Variants in METTL15 observed in about 807,000 individuals in gnomAD.
METTL15 encodes the protein methyltransferase 15, mitochondrial 12S rRNA N4-cytidine, also known as 12S rRNA N(4)-cytidine methyltransferase METTL15.
A neutral mutation model predicts 38.3 loss-of-function variants in METTL15; 34 were observed. The ratio of observed to expected loss-of-function variants is 0.89; its 90% CI spans 0.68 to 1.18. The LOEUF (loss-of-function observed/expected upper bound fraction) is 1.18. METTL15 is among the 50% of genes most tolerant of loss of function. The probability of loss-of-function intolerance (pLI) is 0.00; values close to 1 mark genes in which losing one functional copy is unlikely to be tolerated. For missense variants in METTL15, 438 were observed against 498.4 expected, an observed-to-expected ratio of 0.88 and a Z score of 1.15; for synonymous variants, 162 against 170.9, an observed-to-expected ratio of 0.95 and a Z score of 0.41.
At chr11:28,394,520 A>G (rs1180814998) in intron 5 of METTL15, among the ~76,000 whole-genome samples, 1 of 152,002 alleles carries the variant, frequency 6.6e-6, no homozygotes, top group African/African-American at 2.4e-5. Context: ...GTGGTCTTGG[A>G]GGTGGCAGAG....
At chr11:28,365,458 A>C (rs1200493020) in intron 5 of METTL15, among the ~76,000 whole-genome samples, 1 of 152,202 alleles carries the variant, frequency 6.6e-6, no homozygotes, top group Non-Finnish European at 1.5e-5. Flanking sequence ...ATTTGTGTGC[A>C]TAAAAGTGTT....
At chr11:28,429,994 CG>C (rs1850902037) in intron 6 of METTL15, among the ~76,000 whole-genome samples, 1 of 131,726 alleles carries the variant, frequency 7.6e-6, no homozygotes, top group Non-Finnish European at 1.6e-5. Context: ...ATGTGGGGAG[CG>C]CCTCTGCCCC....
intron 4 of METTL15, among the ~76,000 whole-genome samples, chr11:28,274,704 A>G (rs1031787721): frequency 1.3e-5 from 2 of 151,836 alleles, no homozygotes; most frequent in Non-Finnish European, 2.9e-5. Flanking sequence ...TCTTCCTTTC[A>G]TTTTTAGATA....
At chr11:28,484,032 A>G (rs1461306232) in intron 6 of METTL15, among the ~76,000 whole-genome samples, 3 of 152,176 alleles carry the variant, frequency 2.0e-5, no homozygotes. Flanking sequence ...TTAATGACCT[A>G]TTCCTCCATA....
At chr11:28,438,094 A>G (rs1374322365) in intron 6 of METTL15, among the ~76,000 whole-genome samples, 1 of 152,258 alleles carries the variant, frequency 6.6e-6, no homozygotes, top group African/African-American at 2.4e-5. Flanking sequence ...TCCTATTTTA[A>G]GAAGTTACAC....
chr11:28,393,157 T>G (rs1364055938), intron 5 of METTL15, among the ~76,000 whole-genome samples: 2 of 152,110 alleles, frequency 1.3e-5, no homozygotes, highest in African/African-American at 4.8e-5. Context: ...ATATGATCCT[T>G]CAATCTTACT....
At chr11:28,254,098 A>G (rs1854867883) in intron 4 of METTL15, among the ~76,000 whole-genome samples, 1 of 152,114 alleles carries the variant, frequency 6.6e-6, no homozygotes, top group African/African-American at 2.4e-5. Context: ...ATTCCCACCA[A>G]CAGTGTATAA....
intron 5 of METTL15, among the ~76,000 whole-genome samples, chr11:28,367,737 G>T (rs1347289621): frequency 6.6e-6 from 1 of 152,052 alleles, no homozygotes; most frequent in Non-Finnish European, 1.5e-5. Flanking sequence ...CATGGTACTG[G>T]TACCAAAATA....
intron 6 of METTL15, among the ~76,000 whole-genome samples, chr11:28,464,753 C>T (rs78498800): frequency 1.4e-3 from 206 of 152,294 alleles, no homozygotes; most frequent in Non-Finnish European, 2.5e-3. Flanking sequence ...AGTTCTACTA[C>T]CTCTTTTAGG....
At chr11:28,237,543 T>C (rs1208866956) in intron 4 of METTL15, among the ~76,000 whole-genome samples, 1 of 152,166 alleles carries the variant, frequency 6.6e-6, no homozygotes, top group East Asian at 1.9e-4. Context: ...TGCCTTTGGT[T>C]TGAATTTCCT....
intron 4 of METTL15, among the ~76,000 whole-genome samples, chr11:28,237,731 G>C (rs530955726): frequency 1.3e-5 from 2 of 152,270 alleles, no homozygotes; most frequent in Non-Finnish European, 2.9e-5. Context: ...ATCTTTGGTG[G>C]TTTTATCTAC....
At chr11:28,218,593 G>C (rs572000691) in intron 4 of METTL15, among the ~76,000 whole-genome samples, 41 of 152,170 alleles carry the variant, frequency 2.7e-4, no homozygotes, top group African/African-American at 9.6e-4. Flanking sequence ...TTCCAACACT[G>C]TGTTGAATAG....
intron 5 of METTL15, among the ~76,000 whole-genome samples, chr11:28,395,184 G>C (rs141946432): frequency 1.1e-3 from 173 of 152,096 alleles, no homozygotes; most frequent in African/African-American, 4.0e-3. Flanking sequence ...TTCAGAATTT[G>C]GGGACTCAGG....
chr11:28,532,352 T>C, the METTL15 span, among the ~76,000 whole-genome samples: 2 of 152,096 alleles, frequency 1.3e-5, no homozygotes, highest in African/African-American at 2.4e-5. Context: ...ATACCAGGGA[T>C]TGTGATTTTT....
rs934400812 is a variant in METTL15 at position 28,330,428 on chromosome 11, A to T, written c.811A>T (p.Lys271Ter). 2 of 1,549,508 alleles carry T rather than the reference A, an allele frequency of 1.3e-6. No homozygotes were observed. The highest frequency in any genetic ancestry group is 1.4e-5 in the African/African-American group (1 of 72,930). ...TCCTCCCTCTGCTATTTATACACGG[A>T]AAGACTTACTACAGCGATCTACCCA... ...AFPPSAIYTR[K>*]DLLQRSTHIA... The change falls in exon 7 of 7, where the codon AAA becomes TAA. Residue 271 changes from lysine to a stop codon, truncating the protein, a stop_gained. Transcript: ENST00000407364. LOFTEE classifies it high-confidence loss of function.
rs559283755 is a variant in METTL15, at chr11:28,359,608, T to A, written c.*259-2329T>A. On this transcript the variant is annotated intron_variant and NMD_transcript_variant, in intron 4 of 7. Transcript: ENST00000532947. ...CTGTTATTTTTTGACTTTTTAGTGA[T>A]AGCCATTCTGACTGGTGTGAGATGG... Among the ~76,000 whole-genome samples, 33 of 152,316 alleles carry A rather than the reference T, an allele frequency of 2.2e-4. No individual in the cohort carries two copies. In the Middle Eastern group the frequency reaches 0.01, roughly 47 times the overall value.
rs146143038 is a variant in METTL15 at position 28,427,791 on chromosome 11, G to T, written c.*424+3427G>T. Reference sequence around the variant, plus strand: ...TTTTCGCACACTGATTTTGTATCCTGAGACTTTGCTGAAGTAGCTTATTGG... The same window carrying T: ...TTTTCGCACACTGATTTTGTATCCTTAGACTTTGCTGAAGTAGCTTATTGG... On this transcript the variant is annotated intron_variant and NMD_transcript_variant, in intron 6 of 7. Transcript: ENST00000532947. Among the ~76,000 whole-genome samples, 26 of 152,330 alleles carry T rather than the reference G, an allele frequency of 1.7e-4. No homozygotes were observed. In the East Asian group the frequency reaches 5.0e-3, roughly 29 times the overall value.
chr11:28,125,233 A>C (rs1410222845), intron 3 of METTL15, among the ~76,000 whole-genome samples: 2 of 152,122 alleles, frequency 1.3e-5, no homozygotes, highest in East Asian at 3.8e-4. Context: ...ATATAAAATA[A>C]ATACTTTTAT....
intron 3 of METTL15, among the ~76,000 whole-genome samples, chr11:28,158,921 T>C (rs1377126887): frequency 1.3e-5 from 2 of 152,138 alleles, no homozygotes; most frequent in Non-Finnish European, 2.9e-5. Context: ...GTGCTCTGAA[T>C]CAGCGTCCAA....
Sources: allele counts gnomAD v4.1 joint callset (sites outside exome capture counted in the v4.1 genomes callset), GRCh38; gene constraint gnomAD v4.1.1; transcripts MANE v1.5; gene names NCBI Gene and HGNC (gene_info 2026-07-23, HGNC 2026-07-21).